OXR1: variants seen among roughly 807,000 people sequenced by gnomAD.
OXR1 encodes the protein oxidation resistance 1.
Under a neutral mutation model 104.6 loss-of-function variants are expected in OXR1, and 41 were observed. That is an observed-to-expected ratio of 0.39 (90% CI 0.31 to 0.51). The LOEUF (loss-of-function observed/expected upper bound fraction) is 0.51, where lower values mean the gene tolerates loss of function less well. OXR1 is among the 20% of genes least tolerant of loss of function. OXR1 has a pLI of 0.77. For synonymous variants in OXR1, 348 were observed against 348.4 expected (o/e 1.00, Z 0.01); for missense variants, 955 against 1,031.9 (o/e 0.93, Z 1.02).
In OXR1 at chr8:106,290,134, A is replaced by T. The variant is rs571878574; in HGVS notation, c.-139+19767A>T. The stretch of plus-strand genomic sequence containing the variant: ...ACATAGACGAATGGAACAGGGTAAA[A>T]ATCTCAGAAATAAAGCCACACACTT... On this transcript the variant is annotated intron_variant, in intron 1 of 16. Transcript: ENST00000517566. Among the ~76,000 whole-genome samples, 21 of 152,228 alleles carry T rather than the reference A, an allele frequency of 1.4e-4. No individual in the cohort carries two copies. The South Asian group carries it at 4.2e-3, about 30-fold the overall frequency.
chr8:106,419,507 A>T (rs1818817417), intron 2 of OXR1, among the ~76,000 whole-genome samples: 2 of 152,076 alleles, frequency 1.3e-5, no homozygotes, highest in African/African-American at 4.8e-5. Flanking sequence ...ATATAGCTAG[A>T]GGTATGAGGA....
chr8:106,382,029 T>C (rs1817168938), intron 2 of OXR1, among the ~76,000 whole-genome samples: 1 of 152,214 alleles, frequency 6.6e-6, no homozygotes, highest in African/African-American at 2.4e-5. Flanking sequence ...TTCTGTGGTT[T>C]ATATATGAAG....
rs141323811 is a variant in OXR1, at chr8:106,746,464, G to T, written c.2486+602G>T. On this transcript the variant is annotated intron_variant, in intron 16 of 16. Coordinates refer to ENST00000517566, the MANE Select transcript of OXR1 (RefSeq NM_001198533.2). ...GCTGCTCTGGTCCCACCTAGCCTGG[G>T]CTTAGCAAGCAACAACTCCTTCCTT... is the stretch of plus-strand genomic sequence containing the variant. Among the ~76,000 whole-genome samples, 348 of 152,224 alleles carry T rather than the reference G, an allele frequency of 2.3e-3. 1 individual carries two copies. The highest frequency in any genetic ancestry group is 7.8e-3 in the African/African-American group (323 of 41,530).
At chr8:106,515,014 T>C (rs1298781812) in intron 2 of OXR1, among the ~76,000 whole-genome samples, 1 of 152,084 alleles carries the variant, frequency 6.6e-6, no homozygotes, top group Admixed American at 6.6e-5. Context: ...CTATAGAATA[T>C]TGACATTTTG....
At chr8:106,653,559 C>CA (rs1177276954) in intron 3 of OXR1, among the ~76,000 whole-genome samples, 3 of 151,708 alleles carry the variant, frequency 2.0e-5, no homozygotes, top group Admixed American at 6.6e-5. Flanking sequence ...TCATTTATGA[C>CA]AAAAAAATTA....
chr8:106,721,075 T>C (rs1371586420), intron 11 of OXR1, among the ~76,000 whole-genome samples: 2 of 152,044 alleles, frequency 1.3e-5, no homozygotes, highest in East Asian at 1.9e-4. Context: ...GGCTGTATAC[T>C]AGAATTTTCT....
intron 3 of OXR1, among the ~76,000 whole-genome samples, chr8:106,645,200 T>C (rs1396176038): frequency 6.6e-6 from 1 of 152,226 alleles, no homozygotes; most frequent in African/African-American, 2.4e-5. Context: ...AACAATGTTG[T>C]TGATGTCTCT....
chr8:106,431,183 A>AGAT (rs1486496329), intron 2 of OXR1, among the ~76,000 whole-genome samples: 2 of 152,192 alleles, frequency 1.3e-5, no homozygotes, highest in African/African-American at 4.8e-5. Context: ...GAGCCATCCC[A>AGAT]GATGATAACA....
At chr8:106,321,373 G>T (rs1814208603) in intron 1 of OXR1, among the ~76,000 whole-genome samples, 1 of 152,150 alleles carries the variant, frequency 6.6e-6, no homozygotes, top group Non-Finnish European at 1.5e-5. Context: ...GGTGAGGAGG[G>T]TCCTTGGACA....
rs150854975 is a variant in OXR1, at chr8:106,391,216, A to G, written c.23+31580A>G. The stretch of plus-strand genomic sequence containing the variant: ...TGAGGATTCATTAGGTTATCTGTCT[A>G]TGCTTGTATTTGCCATTTTTTCACA... On this transcript the variant is annotated intron_variant, in intron 2 of 16. Transcript: ENST00000517566. Among the ~76,000 whole-genome samples, 161 of 152,306 alleles carry G rather than the reference A, an allele frequency of 1.1e-3. 1 individual carries two copies. The highest frequency in any genetic ancestry group is 2.0e-3 in the Non-Finnish European group (139 of 68,022).
intron 2 of OXR1, among the ~76,000 whole-genome samples, chr8:106,393,472 A>G (rs1433985993): frequency 6.6e-6 from 1 of 152,154 alleles, no homozygotes; most frequent in Non-Finnish European, 1.5e-5. Context: ...CATGTGATCT[A>G]TTTTTAACAG....
At chr8:106,326,636 C>A (rs1032200172) in intron 1 of OXR1, among the ~76,000 whole-genome samples, 8 of 152,146 alleles carry the variant, frequency 5.3e-5, no homozygotes, top group Non-Finnish European at 1.2e-4. Context: ...AGAACAAATT[C>A]TTGAAGGGAG....
chr8:106,546,447 G>A (rs1037581842), intron 3 of OXR1, among the ~76,000 whole-genome samples: 1 of 152,194 alleles, frequency 6.6e-6, no homozygotes, highest in Non-Finnish European at 1.5e-5. Context: ...ACATGTGTCT[G>A]AGACAGGTCT....
At chr8:106,669,396 G>A (rs1198924579) in intron 3 of OXR1, among the ~76,000 whole-genome samples, 2 of 152,094 alleles carry the variant, frequency 1.3e-5, no homozygotes, top group Non-Finnish European at 2.9e-5. Context: ...GTAGTATCTA[G>A]AAAAAGATAG....
intron 1 of OXR1, among the ~76,000 whole-genome samples, chr8:106,354,232 C>T (rs1261734852): frequency 6.6e-6 from 1 of 151,846 alleles, no homozygotes; most frequent in East Asian, 1.9e-4. Flanking sequence ...AACCAGAAAA[C>T]AAGAAAGAGG....
At chr8:106,702,250 G>T (rs1407231571) in intron 7 of OXR1, among the ~76,000 whole-genome samples, 1 of 152,092 alleles carries the variant, frequency 6.6e-6, no homozygotes, top group African/African-American at 2.4e-5. Context: ...GTAAGCCACC[G>T]TGCCTGCCCT....
intron 3 of OXR1, among the ~76,000 whole-genome samples, chr8:106,601,068 G>A (rs1050723089): frequency 3.9e-5 from 6 of 152,170 alleles, no homozygotes; most frequent in Admixed American, 3.9e-4. Flanking sequence ...TAGGAGTTTG[G>A]AGTATTGTAA....
intron 16 of OXR1, among the ~76,000 whole-genome samples, chr8:106,749,667 C>T (rs551969801): frequency 6.0e-4 from 91 of 152,172 alleles, no homozygotes; most frequent in African/African-American, 1.8e-3. Flanking sequence ...AAAAAGCCTC[C>T]GCCTCCTAAA....
intron 2 of OXR1, among the ~76,000 whole-genome samples, chr8:106,396,460 T>A (rs927831852): frequency 3.9e-5 from 6 of 151,900 alleles, no homozygotes; most frequent in African/African-American, 1.2e-4. Context: ...AGAAAAAAAA[T>A]TATGAAACAA....
Sources: allele counts gnomAD v4.1 joint callset (sites outside exome capture counted in the v4.1 genomes callset), GRCh38; gene constraint gnomAD v4.1.1; transcripts MANE v1.5; gene names NCBI Gene and HGNC (gene_info 2026-07-23, HGNC 2026-07-21).